SNX29: variants seen among roughly 807,000 people sequenced by gnomAD.
The protein encoded by SNX29 is sorting nexin-29.
In SNX29, 78 loss-of-function variants were observed where a neutral mutation model predicts 102.1. That is an observed-to-expected ratio of 0.76 (90% CI 0.64 to 0.92). SNX29 has a LOEUF of 0.92. Among genes scored for constraint, SNX29 ranks in the 40% least tolerant of loss-of-function variants. The pLI is 0.00. For missense variants in SNX29, 1,280 were observed against 1,061.7 expected, an observed-to-expected ratio of 1.21 and a Z score of -2.86; for synonymous variants, 580 against 414.5, an observed-to-expected ratio of 1.40 and a Z score of -4.85.
At chr16:12,541,174 C>A (rs1424990228) in intron 20 of SNX29, among the ~76,000 whole-genome samples, 1 of 152,152 alleles carries the variant, frequency 6.6e-6, no homozygotes, top group South Asian at 2.1e-4. Context: ...GGAACCTCTT[C>A]CTCAGTATTG....
intron 13 of SNX29, among the ~76,000 whole-genome samples, chr16:12,188,610 G>C (rs2036168152): frequency 6.6e-6 from 1 of 152,118 alleles, no homozygotes; most frequent in African/African-American, 2.4e-5. Context: ...TCTGGCTCTG[G>C]ATATGCAATA....
chr16:12,031,922 CAT>C (rs752787012), intron 4 of SNX29, among the ~76,000 whole-genome samples: 2 of 152,180 alleles, frequency 1.3e-5, no homozygotes, highest in Non-Finnish European at 2.9e-5. Context: ...TGTACATTCA[CAT>C]GTCATACAGT....
intron 20 of SNX29, among the ~76,000 whole-genome samples, chr16:12,552,432 C>A (rs111920951): frequency 2.0e-5 from 3 of 152,136 alleles, no homozygotes; most frequent in African/African-American, 7.2e-5. Context: ...TCTTTTGGCT[C>A]GAGAGCTGGA....
intron 19 of SNX29, among the ~76,000 whole-genome samples, chr16:12,511,948 G>A (rs1038947925): frequency 2.6e-5 from 4 of 152,008 alleles, no homozygotes; most frequent in South Asian, 2.1e-4. Flanking sequence ...GCATAGAAGC[G>A]ACTCGGTTCA....
chr16:12,356,392 C>G (rs2082138239), intron 16 of SNX29, 113 bp downstream of exon 16: 2 of 842,558 alleles, frequency 2.4e-6, no homozygotes, highest in Admixed American at 2.5e-5. Flanking sequence ...CCAGATTTGC[C>G]CACATTCACC....
At chr16:12,060,841 G>A (rs528144380) in intron 8 of SNX29, 6 of 456,290 alleles carry the variant, frequency 1.3e-5, no homozygotes, top group Middle Eastern at 3.3e-4. Context: ...TACTTTGTGG[G>A]TAAGGTGACA....
chr16:12,158,512 C>G (rs973228498), intron 13 of SNX29, among the ~76,000 whole-genome samples: 2 of 152,176 alleles, frequency 1.3e-5, no homozygotes, highest in Non-Finnish European at 2.9e-5. Flanking sequence ...TTTTAATTGT[C>G]ACAGATGTGG....
intron 19 of SNX29, among the ~76,000 whole-genome samples, chr16:12,482,105 T>G (rs758618314): frequency 4.6e-5 from 7 of 152,178 alleles, no homozygotes; most frequent in African/African-American, 1.4e-4. Flanking sequence ...AGCAAAATTT[T>G]TGGAGTGTGT....
At chr16:12,476,381 A>T (rs12931972) in intron 18 of SNX29, among the ~76,000 whole-genome samples, 2,290 of 15,718 alleles carry the variant, frequency 0.15, 49 homozygotes, top group African/African-American at 0.21. Context: ...AAAAAAAAAA[A>T]AAATATATAT....
intron 18 of SNX29, among the ~76,000 whole-genome samples, chr16:12,472,106 A>G (rs754617338): frequency 6.6e-6 from 1 of 152,270 alleles, no homozygotes; most frequent in South Asian, 2.1e-4. Context: ...AATACTATTC[A>G]TTAGTGCAAA....
intron 19 of SNX29, among the ~76,000 whole-genome samples, chr16:12,514,681 A>G (rs1020444701): frequency 6.6e-6 from 1 of 152,142 alleles, no homozygotes; most frequent in African/African-American, 2.4e-5. Flanking sequence ...CCTGGCCAAC[A>G]TGGTGAAACC....
chr16:12,040,855 A>G (rs2049852613), intron 4 of SNX29, among the ~76,000 whole-genome samples: 1 of 152,212 alleles, frequency 6.6e-6, no homozygotes, highest in African/African-American at 2.4e-5. Context: ...ATTTTTTGAG[A>G]CAGAGTGGAG....
chr16:12,193,250 A>G (rs1567297262), intron 13 of SNX29, among the ~76,000 whole-genome samples: 1 of 152,136 alleles, frequency 6.6e-6, no homozygotes, highest in East Asian at 1.9e-4. Flanking sequence ...GGAGTTTGTA[A>G]TTCCATTACA....
At chr16:12,393,522 G>T (rs1218253733) in intron 16 of SNX29, among the ~76,000 whole-genome samples, 1 of 151,132 alleles carries the variant, frequency 6.6e-6, no homozygotes, top group Non-Finnish European at 1.5e-5. Flanking sequence ...AGCACATATA[G>T]AGCTCTCTGA....
chr16:12,284,531 A>G (rs2079532651), intron 15 of SNX29, among the ~76,000 whole-genome samples: 1 of 152,216 alleles, frequency 6.6e-6, no homozygotes, highest in Non-Finnish European at 1.5e-5. Flanking sequence ...AGGGCTGGGT[A>G]CATGACCTGA....
Position 12,536,613 on chromosome 16 carries a change from C to T in SNX29, c.2318+11772C>T, listed in dbSNP as rs139215311. On this transcript the variant is annotated intron_variant, in intron 20 of 20. Transcript: ENST00000566228. ...ACAGAGAACGCACTAACTAGTTTGG[C>T]TGTGGCTGCAGCAGGGGTGTATACA... is the stretch of plus-strand genomic sequence containing the variant. Among the ~76,000 whole-genome samples, 372 of 152,292 alleles carry T rather than the reference C, an allele frequency of 2.4e-3. 1 individual carries two copies. Among genetic ancestry groups the T allele is most frequent in the Non-Finnish European group, 4.2e-3 (289 of 68,032 alleles).
chr16:12,557,806 A>T (rs779429615), intron 20 of SNX29: 2 of 152,232 alleles, frequency 1.3e-5, no homozygotes, highest in African/African-American at 4.8e-5. Context: ...GATCACTATC[A>T]TATCTGCAGT....
At chr16:12,379,714 G>T (rs897860839) in intron 16 of SNX29, among the ~76,000 whole-genome samples, 1 of 152,208 alleles carries the variant, frequency 6.6e-6, no homozygotes, top group African/African-American at 2.4e-5. Context: ...GATGAGAAAT[G>T]AGGCTGATTT....
At chr16:12,315,029 C>A (rs537363043) in intron 15 of SNX29, among the ~76,000 whole-genome samples, 1 of 152,210 alleles carries the variant, frequency 6.6e-6, no homozygotes, top group African/African-American at 2.4e-5. Flanking sequence ...CAATTCTGTT[C>A]CCTAATTTTC....
Sources: allele counts gnomAD v4.1 joint callset (sites outside exome capture counted in the v4.1 genomes callset), GRCh38; gene constraint gnomAD v4.1.1; transcripts MANE v1.5; gene names NCBI Gene and HGNC (gene_info 2026-07-23, HGNC 2026-07-21).